SPATA13: variants seen among roughly 807,000 people sequenced by gnomAD.
The protein encoded by SPATA13 is spermatogenesis-associated protein 13.
SPATA13 carries 50 observed loss-of-function variants against 104.0 expected under a neutral mutation model. The ratio of observed to expected loss-of-function variants is 0.48; its 90% CI spans 0.38 to 0.61. The LOEUF (loss-of-function observed/expected upper bound fraction) is 0.61. Ranked by LOEUF, SPATA13 falls within the 20% of genes least tolerant of loss-of-function variation. The probability of loss-of-function intolerance (pLI) is 0.00; values close to 1 mark genes in which losing one functional copy is unlikely to be tolerated. For synonymous variants in SPATA13, 606 were observed against 667.5 expected (o/e 0.91, Z 1.42); for missense variants, 1,524 against 1,690.6 (o/e 0.90, Z 1.73).
intron 1 of SPATA13, among the ~76,000 whole-genome samples, chr13:23,981,105 C>T (rs1874871952): frequency 6.6e-6 from 1 of 152,114 alleles, no homozygotes; most frequent in Admixed American, 6.5e-5. Context: ...TTAGGCCCAG[C>T]ACTAAAAATG....
intron 2 of SPATA13, 133 bp from the exon 3 acceptor site, chr13:24,249,343 AT>A: frequency 8.7e-7 from 1 of 1,143,690 alleles, no homozygotes; most frequent in Non-Finnish European, 1.2e-6. Flanking sequence ...TAGTACACAA[AT>A]AACTGTTTTA....
Position 24,045,312 on chromosome 13 carries a change from C to T in SPATA13, c.-112+27611C>T, listed in dbSNP as rs572996528. ...CGACCATGACCTTTGTATTATGTTT[C>T]TTCCCTTTCTATGAGGTTTTAAAAA... On this transcript the variant is annotated intron_variant, in intron 3 of 14. Transcript: ENST00000424834. Among the ~76,000 whole-genome samples the T allele has an allele frequency of 1.0e-3, 156 of 152,248 alleles. 2 individuals carry two copies. The highest frequency in any genetic ancestry group is 3.6e-3 in the African/African-American group (151 of 41,546).
At chr13:24,090,978 A>G (rs1879890776) in intron 3 of SPATA13, among the ~76,000 whole-genome samples, 1 of 152,196 alleles carries the variant, frequency 6.6e-6, no homozygotes, top group South Asian at 2.1e-4. Flanking sequence ...CTGATTCTAT[A>G]AAGTCTGCCT....
chr13:24,010,439 T>C (rs1876418466), intron 2 of SPATA13, among the ~76,000 whole-genome samples: 1 of 151,126 alleles, frequency 6.6e-6, no homozygotes, highest in Non-Finnish European at 1.5e-5. Flanking sequence ...TGTGGGCATA[T>C]TGTGAGGGAG....
intron 3 of SPATA13, among the ~76,000 whole-genome samples, chr13:24,057,481 G>A (rs1878606028): frequency 6.6e-6 from 1 of 152,286 alleles, no homozygotes; most frequent in East Asian, 1.9e-4. Context: ...TCTGAGTCCT[G>A]TGACTGCATC....
intron 2 of SPATA13, 120 bp downstream of exon 2, chr13:24,224,702 C>G: frequency 9.5e-7 from 1 of 1,050,282 alleles, no homozygotes; most frequent in South Asian, 1.4e-5. Context: ...ACCTTGTTGC[C>G]CTTACAGTAT....
chr13:24,031,864 T>C (rs1321358635), intron 3 of SPATA13, among the ~76,000 whole-genome samples: 1 of 152,226 alleles, frequency 6.6e-6, no homozygotes, highest in East Asian at 1.9e-4. Flanking sequence ...GTGTACCATA[T>C]TTACAAGCTA....
chr13:24,015,228 C>T (rs1876656423), intron 2 of SPATA13, among the ~76,000 whole-genome samples: 1 of 152,086 alleles, frequency 6.6e-6, no homozygotes. Flanking sequence ...CTCTGTGACT[C>T]TTAACGAGAG....
chr13:24,021,125 A>G (rs1876955346), intron 3 of SPATA13, among the ~76,000 whole-genome samples: 1 of 152,240 alleles, frequency 6.6e-6, no homozygotes, highest in Middle Eastern at 3.2e-3. Flanking sequence ...ACAATATATA[A>G]GGAAGGTATA....
At chr13:24,025,544 G>T (rs9507215) in intron 3 of SPATA13, among the ~76,000 whole-genome samples, 138,240 of 152,208 alleles carry the variant, frequency 0.91, 62,945 homozygotes, top group East Asian at 1. Flanking sequence ...TAATCCAAAC[G>T]CTTCTCCAAA....
Position 24,303,114 on chromosome 13 carries a change from GCAGGTCCAAA to G in SPATA13, c.*344_*353del. 7 of 388,908 alleles carry G rather than the reference GCAGGTCCAAA, an allele frequency of 1.8e-5. No individual in the cohort carries two copies. Among genetic ancestry groups the G allele is most frequent in the South Asian group, 1.5e-4 (7 of 45,424 alleles). 24.1% of individuals were successfully genotyped at this position (388,908 alleles called of 1,614,324 possible). A position where few individuals can be genotyped will look rare whatever the true frequency, so the allele number is the denominator to read the frequency against. On this transcript the variant is annotated 3_prime_UTR_variant, in exon 13 of 13. Transcript: ENST00000382108. ...TGCTGATGATGAGCAAGTGCCTGCT[GCAGGTCCAAA>G]CACAGCATCCAGGGCTTTGCAGTTC...
chr13:24,039,243 G>A (rs1471307931), intron 3 of SPATA13, among the ~76,000 whole-genome samples: 5 of 152,230 alleles, frequency 3.3e-5, no homozygotes, highest in South Asian at 2.1e-4. Flanking sequence ...CTGCCTTTGC[G>A]CCTGGCTGTG....
At chr13:24,208,259 A>G (rs7325589) in intron 1 of SPATA13, among the ~76,000 whole-genome samples, 102,764 of 152,076 alleles carry the variant, frequency 0.68, 34,986 homozygotes, top group South Asian at 0.83. Context: ...TTTCTTCCAG[A>G]AATTCCCTGT....
intron 3 of SPATA13, 44 bp from the exon 4 acceptor site, chr13:24,251,674 C>T: frequency 6.2e-7 from 1 of 1,606,922 alleles, no homozygotes. Flanking sequence ...GCAAGAGCTG[C>T]CACTTCCTGG....
At chr13:24,146,438 G>A (rs1330280592) in intron 3 of SPATA13, among the ~76,000 whole-genome samples, 1 of 152,236 alleles carries the variant, frequency 6.6e-6, no homozygotes, top group Non-Finnish European at 1.5e-5. Context: ...AGGCCTGCAA[G>A]AAATTCGTTG....
At chr13:24,025,006 A>AC (rs1196868593) in intron 3 of SPATA13, among the ~76,000 whole-genome samples, 6 of 150,802 alleles carry the variant, frequency 4.0e-5, no homozygotes, top group South Asian at 2.1e-4. Flanking sequence ...GAATATCCAG[A>AC]CCCCCCATAC....
At chr13:24,079,866 G>A (rs753368952) in intron 3 of SPATA13, among the ~76,000 whole-genome samples, 1 of 152,092 alleles carries the variant, frequency 6.6e-6, no homozygotes, top group Non-Finnish European at 1.5e-5. Flanking sequence ...CCGTGAGGAT[G>A]GGGATACTCA....
At chr13:24,188,318 C>A (rs1052625276) in intron 1 of SPATA13, among the ~76,000 whole-genome samples, 3 of 144,420 alleles carry the variant, frequency 2.1e-5, no homozygotes, top group Non-Finnish European at 1.5e-5. Context: ...GGCAACAGAG[C>A]GAGACTCCAT....
intron 2 of SPATA13, among the ~76,000 whole-genome samples, chr13:23,994,495 G>A (rs1343290958): frequency 2.0e-5 from 3 of 152,202 alleles, no homozygotes; most frequent in Non-Finnish European, 4.4e-5. Flanking sequence ...GAGGAGGTTC[G>A]TGTGTGGGAC....
Sources: gnomAD v4.1 joint callset for allele counts (sites outside exome capture counted in the v4.1 genomes callset) on GRCh38, gnomAD v4.1.1 for gene constraint, MANE v1.5 for transcripts, NCBI Gene and HGNC (gene_info 2026-07-23, HGNC 2026-07-21) for gene names.